CCDC178: variants seen among roughly 807,000 people sequenced by gnomAD.
CCDC178 encodes coiled-coil domain containing 178.
A neutral mutation model predicts 117.4 loss-of-function variants in CCDC178; 126 were observed. The ratio of observed to expected loss-of-function variants is 1.07; its 90% CI spans 0.93 to 1.24. The LOEUF (loss-of-function observed/expected upper bound fraction) is 1.24, where lower values mean the gene tolerates loss of function less well. Among genes scored for constraint, CCDC178 ranks in the 50% most tolerant of loss-of-function variants. CCDC178 has a pLI of 0.00. For missense variants in CCDC178, 1,030 were observed against 986.9 expected (o/e 1.04, Z -0.59); for synonymous variants, 283 against 313.4 (o/e 0.90, Z 1.02).
intron 12 of CCDC178, among the ~76,000 whole-genome samples, chr18:33,280,813 T>C (rs897078463): frequency 1.1e-4 from 17 of 152,074 alleles, no homozygotes; most frequent in Non-Finnish European, 1.9e-4. Context: ...GGGACACGGA[T>C]GAAATTGGAA....
intron 21 of CCDC178, among the ~76,000 whole-genome samples, chr18:33,012,785 T>C (rs2055897804): frequency 6.6e-6 from 1 of 152,164 alleles, no homozygotes; most frequent in Admixed American, 6.5e-5. Flanking sequence ...CCCCATAATA[T>C]TGGAAACTAG....
chr18:33,353,152 A>T (rs572851247), intron 7 of CCDC178, among the ~76,000 whole-genome samples: 149 of 152,146 alleles, frequency 9.8e-4, no homozygotes, highest in Non-Finnish European at 1.8e-3. Context: ...TTATCAGTGT[A>T]TCAAGTCTTT....
chr18:33,301,596 C>A (rs2062177454), intron 11 of CCDC178, among the ~76,000 whole-genome samples: 1 of 152,220 alleles, frequency 6.6e-6, no homozygotes, highest in Admixed American at 6.5e-5. Context: ...TAAAAACTGA[C>A]CCCTTCCAGT....
At chr18:33,347,441 C>G (rs2062911791) in intron 8 of CCDC178, among the ~76,000 whole-genome samples, 1 of 152,160 alleles carries the variant, frequency 6.6e-6, no homozygotes, top group African/African-American at 2.4e-5. Context: ...CATGCTGCCT[C>G]AGAAGCATTC....
intron 14 of CCDC178, among the ~76,000 whole-genome samples, chr18:33,249,029 A>AT (rs1185023878): frequency 4.6e-5 from 7 of 152,096 alleles, no homozygotes; most frequent in African/African-American, 1.4e-4. Context: ...GATGATGAGC[A>AT]TTTTTTCATG....
rs998468655 is a variant in CCDC178 at position 33,408,471 on chromosome 18, G to T, written c.58+3560C>A. ...ATTAGTGAATAGGAGAGTTAAACTT[G>T]TTAGATGAAATAAAATATATAGAAC... On this transcript the variant is annotated intron_variant, in intron 3 of 22. Transcript: ENST00000383096. Among the ~76,000 whole-genome samples, 12 of 151,764 alleles carry T rather than the reference G, an allele frequency of 7.9e-5. No individual in the cohort carries two copies. The South Asian group carries it at 1.9e-3, about 24-fold the overall frequency.
intron 22 of CCDC178, among the ~76,000 whole-genome samples, chr18:32,946,395 G>C (rs1228465722): frequency 1.3e-5 from 2 of 152,160 alleles, no homozygotes; most frequent in Non-Finnish European, 2.9e-5. Context: ...TATTAAGACA[G>C]AGAAATATCA....
chr18:32,957,705 G>A (rs2054623105), intron 22 of CCDC178: 1 of 152,152 alleles, frequency 6.6e-6, no homozygotes, highest in Admixed American at 6.6e-5. Context: ...GAAGAATGCT[G>A]TACATTTTAT....
intron 20 of CCDC178, among the ~76,000 whole-genome samples, chr18:33,175,119 G>A (rs1047160940): frequency 6.6e-6 from 1 of 151,236 alleles, no homozygotes; most frequent in Non-Finnish European, 1.5e-5. Flanking sequence ...CTCATGATCC[G>A]CCCGCCTCGG....
intron 21 of CCDC178, among the ~76,000 whole-genome samples, chr18:33,030,684 TA>T (rs2056323772): frequency 6.6e-6 from 1 of 151,978 alleles, no homozygotes; most frequent in East Asian, 1.9e-4. Context: ...TAGATAGATG[TA>T]GATATAGATA....
At chr18:32,992,423 T>C (rs2055413491) in intron 21 of CCDC178, among the ~76,000 whole-genome samples, 1 of 152,160 alleles carries the variant, frequency 6.6e-6, no homozygotes, top group African/African-American at 2.4e-5. Context: ...ATTCCTAAAT[T>C]ATGGCTCATG....
chr18:33,244,047 C>T (rs372837645), intron 15 of CCDC178, among the ~76,000 whole-genome samples: 2 of 151,888 alleles, frequency 1.3e-5, no homozygotes, highest in Middle Eastern at 3.2e-3. Context: ...TATGATTAAC[C>T]CATTCAACAC....
intron 12 of CCDC178, among the ~76,000 whole-genome samples, chr18:33,279,974 T>C (rs1599096408): frequency 2.0e-5 from 3 of 151,984 alleles, no homozygotes; most frequent in Admixed American, 1.3e-4. Flanking sequence ...AAGACTTAAA[T>C]ATTAGACCTA....
At chr18:33,020,150 G>T (rs2056083635) in intron 21 of CCDC178, among the ~76,000 whole-genome samples, 2 of 149,628 alleles carry the variant, frequency 1.3e-5, no homozygotes, top group South Asian at 4.2e-4. Flanking sequence ...AGTAGAGATG[G>T]GGTTTCACCA....
At chr18:33,106,979 A>G (rs1014504302) in intron 20 of CCDC178, among the ~76,000 whole-genome samples, 6 of 151,742 alleles carry the variant, frequency 4.0e-5, no homozygotes, top group African/African-American at 1.4e-4. Flanking sequence ...AACAATTGCA[A>G]GAAATTGAAT....
chr18:33,331,373 A>G (rs1396844765), intron 10 of CCDC178, among the ~76,000 whole-genome samples: 1 of 152,096 alleles, frequency 6.6e-6, no homozygotes, highest in Non-Finnish European at 1.5e-5. Flanking sequence ...CTCTTCAGCC[A>G]TCCTGAGTTG....
chr18:33,112,372 T>C (rs1027136424), intron 20 of CCDC178, among the ~76,000 whole-genome samples: 2 of 151,854 alleles, frequency 1.3e-5, no homozygotes, highest in Non-Finnish European at 1.5e-5. Context: ...TTTCAACCTT[T>C]GTGCTACTTA....
chr18:33,151,539 T>A (rs2058341247), intron 20 of CCDC178, among the ~76,000 whole-genome samples: 1 of 152,102 alleles, frequency 6.6e-6, no homozygotes, highest in African/African-American at 2.4e-5. Context: ...AATACAACAG[T>A]TCTCTTAGAA....
At chr18:33,090,278 A>G (rs943086669) in intron 21 of CCDC178, among the ~76,000 whole-genome samples, 2 of 152,220 alleles carry the variant, frequency 1.3e-5, no homozygotes, top group Non-Finnish European at 2.9e-5. Context: ...AGAGAATAAT[A>G]GTCCCTAAGA....
Sources: gnomAD v4.1 joint callset for allele counts (sites outside exome capture counted in the v4.1 genomes callset) on GRCh38, gnomAD v4.1.1 for gene constraint, MANE v1.5 for transcripts, NCBI Gene and HGNC (gene_info 2026-07-23, HGNC 2026-07-21) for gene names.